Variants in DDHD1 observed in about 807,000 individuals in gnomAD.
DDHD1 encodes the protein phospholipase DDHD1.
DDHD1 carries 49 observed loss-of-function variants against 96.4 expected under a neutral mutation model. The observed-to-expected ratio is 0.51, with a 90% CI of 0.40 to 0.64. DDHD1 has a LOEUF of 0.64. Among genes scored for constraint, DDHD1 ranks in the 30% least tolerant of loss-of-function variants. DDHD1 has a pLI of 0.00. For synonymous variants in DDHD1, 442 were observed against 446.5 expected (o/e 0.99, Z 0.13); for missense variants, 1,106 against 1,161.2 (o/e 0.95, Z 0.69).
intron 4 of DDHD1, 123 bp from the exon 5 acceptor site, chr14:53,073,970 T>G: frequency 2.6e-6 from 2 of 777,890 alleles, no homozygotes; most frequent in Non-Finnish European, 4.0e-6. Flanking sequence ...TTTGTCCAGT[T>G]ACATTCCAGT....
rs1034419920 is a variant in DDHD1, at chr14:53,058,923, G to A, written c.1843-297C>T. Among the ~76,000 whole-genome samples, 6 of 152,068 alleles carry A rather than the reference G, an allele frequency of 3.9e-5. No individual in the cohort carries two copies. The East Asian group carries it at 9.6e-4, about 24-fold the overall frequency. On this transcript the variant is annotated intron_variant, in intron 8 of 12. Transcript: ENST00000673822. ...CAAATATTTATTGAGGTACTACTTT[G>A]TGTGAAGTAATACACTCGGTGCTGT...
In DDHD1 at chr14:53,036,962, T is replaced by A. The variant is rs1881306866; in HGVS notation, c.*9806A>T. ...ACCCACAGTGTTCCAGTCTGCAGTG[T>A]CTGTTGTTCCCACCTTTGCATCCTG... On this transcript the variant is annotated 3_prime_UTR_variant, in exon 13 of 13. Transcript: ENST00000673822. 6.6e-6 allele frequency: 1 copy of A among 152,104 alleles called. No homozygotes were observed. The highest frequency in any genetic ancestry group is 1.5e-5 in the Non-Finnish European group (1 of 68,026). The allele number at this position is 152,104 out of a possible 1,614,324, so 9.4% of individuals were successfully genotyped here.
chr14:53,152,489 G>C lies in DDHD1; in HGVS notation c.610C>G (p.Arg204Gly), dbSNP rs1303476683. Reference protein sequence around the residue: ...FRTLLQTTGARPQGGDRDGDH... With the variant: ...FRTLLQTTGAGPQGGDRDGDH... ...CCGTCCCGGTCCCCGCCCTGGGGCC[G>C]GGCACCCGTGGTCTGCAGCAGGGTC... Residue 204 changes from arginine to glycine, a missense_variant, in exon 1 of 13, where the codon CGG (arginine) becomes GGG (glycine). Coordinates refer to ENST00000673822, the MANE Select transcript of DDHD1 (RefSeq NM_001160148.2). 2 of 1,613,046 alleles carry C rather than the reference G, an allele frequency of 1.2e-6. No individual in the cohort carries two copies. The highest frequency in any genetic ancestry group is 2.2e-5 in the South Asian group (2 of 91,046).
chr14:53,129,049 A>G (rs531579710), intron 1 of DDHD1, among the ~76,000 whole-genome samples: 163 of 152,338 alleles, frequency 1.1e-3, no homozygotes, highest in Non-Finnish European at 1.9e-3. Context: ...AGAACTAATG[A>G]TAATCCCACC....
rs764551996 is a variant in DDHD1, at chr14:53,152,629, T to C, written c.470A>G (p.Tyr157Cys). 1.5e-5 allele frequency: 24 copies of C among 1,613,166 alleles called. No homozygotes were observed. The highest frequency in any genetic ancestry group is 1.9e-5 in the Non-Finnish European group (22 of 1,179,868). ...CGGGCCCAGCTCCGTCACTACCTCA[T>C]AGCGGTGCCGGGCCGCCGGGCCGCC... ...RLGGPAARHR[Y>C]EVVTELGPEE... The change falls in exon 1 of 13, where the codon TAT (tyrosine) becomes TGT (cysteine). Residue 157 changes from tyrosine to cysteine, a missense_variant. This residue lies in a region of DDHD1 where 456 missense variants were observed against 402.4 expected (regional missense o/e 1.13). Transcript: ENST00000673822.
chr14:53,048,153 T>A (rs1882193830), intron 12 of DDHD1, among the ~76,000 whole-genome samples: 3 of 152,232 alleles, frequency 2.0e-5, no homozygotes, highest in African/African-American at 7.2e-5. Flanking sequence ...TACCATTTGG[T>A]AATTTAACAA....
intron 4 of DDHD1, among the ~76,000 whole-genome samples, chr14:53,080,716 C>T (rs1885388650): frequency 7.5e-5 from 1 of 13,358 alleles, no homozygotes; most frequent in Non-Finnish European, 1.7e-4. Context: ...TTTCCTTCCC[C>T]CTTTTTTTTT....
intron 1 of DDHD1, among the ~76,000 whole-genome samples, chr14:53,117,822 C>T (rs1458140320): frequency 2.6e-5 from 4 of 152,154 alleles, no homozygotes; most frequent in African/African-American, 7.2e-5. Flanking sequence ...GCAGGGCATT[C>T]GAACTCTGAG....
At chr14:53,046,975 T>A (rs771228311) in intron 12 of DDHD1, 26 bp from the exon 13 acceptor site, 16 of 1,568,396 alleles carry the variant, frequency 1.0e-5, no homozygotes, top group Non-Finnish European at 1.3e-5. Context: ...GTTAAACAAA[T>A]GAATACAGAT....
chr14:53,094,004 T>C (rs940919641), intron 2 of DDHD1, among the ~76,000 whole-genome samples: 1 of 151,752 alleles, frequency 6.6e-6, no homozygotes, highest in Non-Finnish European at 1.5e-5. Flanking sequence ...TGAAACCTCG[T>C]CTCTACAAAA....
chr14:53,050,333 C>T (rs1882428259), intron 12 of DDHD1, among the ~76,000 whole-genome samples: 1 of 152,086 alleles, frequency 6.6e-6, no homozygotes, highest in Admixed American at 6.5e-5. Flanking sequence ...CTGAATTTGC[C>T]TAGAAAATTT....
intron 1 of DDHD1, among the ~76,000 whole-genome samples, chr14:53,119,288 G>T (rs1215639085): frequency 2.0e-5 from 3 of 152,160 alleles, no homozygotes; most frequent in African/African-American, 2.4e-5. Context: ...GCATCATAAT[G>T]ACAGGATCAA....
chr14:53,134,052 G>C (rs1331841739), intron 1 of DDHD1, among the ~76,000 whole-genome samples: 1 of 152,112 alleles, frequency 6.6e-6, no homozygotes, highest in African/African-American at 2.4e-5. Context: ...CTGAATAACA[G>C]TAATAAACCT....
chr14:53,063,268 A>G, intron 6 of DDHD1, 63 bp from the exon 7 acceptor site: 1 of 1,523,780 alleles, frequency 6.6e-7, no homozygotes, highest in South Asian at 1.3e-5. Flanking sequence ...CACTTATTCT[A>G]AACTCAAATA....
At chr14:53,090,797 A>G (rs28408926) in intron 4 of DDHD1, among the ~76,000 whole-genome samples, 4,780 of 152,162 alleles carry the variant, frequency 0.031, 249 homozygotes, top group African/African-American at 0.11. Flanking sequence ...GGTACAGCAA[A>G]CCAACGTGGC....
intron 1 of DDHD1, among the ~76,000 whole-genome samples, chr14:53,134,711 A>T (rs907626948): frequency 6.6e-6 from 1 of 152,098 alleles, no homozygotes; most frequent in Admixed American, 6.5e-5. Flanking sequence ...TAGAGCCCCA[A>T]AACTCCCCAA....
At chr14:53,138,223 G>A (rs1450006704) in intron 1 of DDHD1, among the ~76,000 whole-genome samples, 1 of 152,168 alleles carries the variant, frequency 6.6e-6, no homozygotes, top group Non-Finnish European at 1.5e-5. Context: ...TGGCCAACAT[G>A]GTGAAACCTT....
intron 9 of DDHD1, 35 bp downstream of exon 9, chr14:53,058,442 C>G: frequency 6.4e-7 from 1 of 1,574,436 alleles, no homozygotes; most frequent in Non-Finnish European, 8.6e-7. Flanking sequence ...AACAATTTGA[C>G]ATTGAGAAAA....
intron 8 of DDHD1, 111 bp downstream of exon 8, chr14:53,061,015 A>G (rs1054024906): frequency 3.0e-6 from 3 of 1,005,416 alleles, no homozygotes; most frequent in Admixed American, 5.3e-5. Context: ...TTGAATAAAT[A>G]TTTATTTTGA....
Sources: gnomAD v4.1 joint callset for allele counts (sites outside exome capture counted in the v4.1 genomes callset) on GRCh38, gnomAD v4.1.1 for gene constraint, gnomAD v4.1.1 regional missense constraint, MANE v1.5 for transcripts, NCBI Gene and HGNC (gene_info 2026-07-23, HGNC 2026-07-21) for gene names.